Variants in SSBP2 observed in about 807,000 individuals in gnomAD.
The protein encoded by SSBP2 is single-stranded DNA-binding protein 2.
In SSBP2, 17 loss-of-function variants were observed where a neutral mutation model predicts 61.8. That is an observed-to-expected ratio of 0.28 (90% CI 0.19 to 0.41). The LOEUF (loss-of-function observed/expected upper bound fraction) is 0.41, where lower values mean the gene tolerates loss of function less well. Ranked by LOEUF, SSBP2 falls within the 10% of genes least tolerant of loss-of-function variation. The probability of loss-of-function intolerance (pLI) is 1.00; values close to 1 mark genes in which losing one functional copy is unlikely to be tolerated. For missense variants in SSBP2, 310 were observed against 458.7 expected (o/e 0.68, Z 2.96); for synonymous variants, 139 against 141.3 (o/e 0.98, Z 0.12).
chr5:81,525,023 G>T (rs1173779079), intron 4 of SSBP2, among the ~76,000 whole-genome samples: 1 of 151,924 alleles, frequency 6.6e-6, no homozygotes, highest in Non-Finnish European at 1.5e-5. Flanking sequence ...CTTGCTGATG[G>T]TCTCTATTTT....
chr5:81,716,079 C>CAAA (rs200078117), intron 1 of SSBP2, among the ~76,000 whole-genome samples: 1 of 146,422 alleles, frequency 6.8e-6, no homozygotes, highest in South Asian at 2.1e-4. Flanking sequence ...ACAACAACAA[C>CAAA]AAAAAAAAAA....
chr5:81,548,654 G>C (rs904652746), intron 4 of SSBP2, among the ~76,000 whole-genome samples: 1 of 152,206 alleles, frequency 6.6e-6, no homozygotes, highest in African/African-American at 2.4e-5. Flanking sequence ...CAGGCACAGT[G>C]GCTCACGCCT....
chr5:81,499,780 T>C (rs1218648068), intron 5 of SSBP2, among the ~76,000 whole-genome samples: 2 of 152,232 alleles, frequency 1.3e-5, no homozygotes, highest in East Asian at 3.8e-4. Context: ...CCTGAACTTT[T>C]CATTAAAGAA....
chr5:81,527,648 G>T (rs558506456), intron 4 of SSBP2, among the ~76,000 whole-genome samples: 1 of 151,954 alleles, frequency 6.6e-6, no homozygotes, highest in East Asian at 1.9e-4. Context: ...TTGTTTAGTA[G>T]GTTTATTGAC....
At chr5:81,643,752 A>C (rs896641915) in intron 2 of SSBP2, among the ~76,000 whole-genome samples, 20 of 151,242 alleles carry the variant, frequency 1.3e-4, no homozygotes, top group African/African-American at 4.6e-4. Context: ...ACAGGAGCCC[A>C]CCACCATACT....
At chr5:81,737,531 C>A (rs1352090089) in intron 1 of SSBP2, among the ~76,000 whole-genome samples, 2 of 151,946 alleles carry the variant, frequency 1.3e-5, no homozygotes, top group Non-Finnish European at 2.9e-5. Flanking sequence ...ACCTGTAATC[C>A]CAGCACTTTG....
chr5:81,620,122 G>A (rs1228426720), intron 3 of SSBP2, among the ~76,000 whole-genome samples: 1 of 103,440 alleles, frequency 9.7e-6, no homozygotes, highest in Middle Eastern at 4.8e-3. Flanking sequence ...GGCAGGAGAA[G>A]GAAATAAAGG....
chr5:81,472,085 C>T (rs1765285017), intron 8 of SSBP2, among the ~76,000 whole-genome samples: 1 of 152,080 alleles, frequency 6.6e-6, no homozygotes, highest in South Asian at 2.1e-4. Context: ...AAACAAGCTC[C>T]TAAAGTACTG....
At chr5:81,582,758 T>C (rs888158626) in intron 4 of SSBP2, among the ~76,000 whole-genome samples, 28 of 152,152 alleles carry the variant, frequency 1.8e-4, no homozygotes, top group African/African-American at 6.8e-4. Context: ...CATGCTCAGC[T>C]AATTTTTGTA....
At chr5:81,732,550 C>T (rs960843029) in intron 1 of SSBP2, among the ~76,000 whole-genome samples, 1 of 152,176 alleles carries the variant, frequency 6.6e-6, no homozygotes, top group Non-Finnish European at 1.5e-5. Context: ...GAAGAAATGA[C>T]AATTTGCTTG....
intron 1 of SSBP2, among the ~76,000 whole-genome samples, chr5:81,737,794 A>C (rs957606599): frequency 6.6e-6 from 1 of 151,454 alleles, no homozygotes; most frequent in Non-Finnish European, 1.5e-5. Context: ...TCTCAAAAAA[A>C]AAAAAAAAAC....
intron 1 of SSBP2, among the ~76,000 whole-genome samples, chr5:81,670,522 ATAAGT>A (rs1296799943): frequency 6.6e-6 from 1 of 152,180 alleles, no homozygotes; most frequent in African/African-American, 2.4e-5. Flanking sequence ...TACTGTAACA[ATAAGT>A]TATGTCAACA....
chr5:81,543,992 T>C (rs575522955), intron 4 of SSBP2, among the ~76,000 whole-genome samples: 1 of 152,274 alleles, frequency 6.6e-6, no homozygotes, highest in Non-Finnish European at 1.5e-5. Flanking sequence ...ACTGACACTA[T>C]CTTCATGATG....
chr5:81,563,328 C>T (rs1034884086), intron 4 of SSBP2, among the ~76,000 whole-genome samples: 6 of 151,996 alleles, frequency 3.9e-5, no homozygotes, highest in East Asian at 1.9e-4. Flanking sequence ...ACAAAAATCC[C>T]GAATCCAAAC....
chr5:81,447,179 A>G (rs1196917870), intron 11 of SSBP2, among the ~76,000 whole-genome samples: 1 of 152,242 alleles, frequency 6.6e-6, no homozygotes, highest in Non-Finnish European at 1.5e-5. Flanking sequence ...TAATCATATC[A>G]GTTATAATGA....
chr5:81,457,297 G>A (rs138950199), intron 10 of SSBP2, among the ~76,000 whole-genome samples: 10 of 149,914 alleles, frequency 6.7e-5, no homozygotes, highest in African/African-American at 1.7e-4. Context: ...TGAATACATC[G>A]TATATACATA....
intron 10 of SSBP2, among the ~76,000 whole-genome samples, chr5:81,450,811 A>C (rs903466620): frequency 6.6e-6 from 1 of 152,228 alleles, no homozygotes; most frequent in African/African-American, 2.4e-5. Context: ...TCATTATCAT[A>C]AAGTCTACTT....
At chr5:81,493,591 T>TA (rs527522159) in intron 5 of SSBP2, among the ~76,000 whole-genome samples, 139 of 152,018 alleles carry the variant, frequency 9.1e-4, no homozygotes, top group Non-Finnish European at 1.8e-3. Context: ...CTATCTCTAG[T>TA]AAAAAATACA....
At chr5:81,692,812 G>A (rs900338062) in intron 1 of SSBP2, among the ~76,000 whole-genome samples, 1 of 152,122 alleles carries the variant, frequency 6.6e-6, no homozygotes, top group African/African-American at 2.4e-5. Flanking sequence ...ATATGCAGAA[G>A]AATGAAACAA....
Sources: gnomAD v4.1 joint callset for allele counts (sites outside exome capture counted in the v4.1 genomes callset) on GRCh38, gnomAD v4.1.1 for gene constraint, MANE v1.5 for transcripts, NCBI Gene and HGNC (gene_info 2026-07-23, HGNC 2026-07-21) for gene names.